Variants in DPYD observed in about 807,000 individuals in gnomAD.
DPYD encodes the protein dihydropyrimidine dehydrogenase.
DPYD carries 109 observed loss-of-function variants against 116.2 expected under a neutral mutation model. The ratio of observed to expected loss-of-function variants is 0.94; its 90% CI spans 0.80 to 1.10. DPYD has a LOEUF of 1.10. Among genes scored for constraint, DPYD ranks in the 50% least tolerant of loss-of-function variants. DPYD has a pLI of 0.00. For synonymous variants in DPYD, 440 were observed against 432.0 expected (o/e 1.02, Z -0.23); for missense variants, 1,302 against 1,254.5 (o/e 1.04, Z -0.57).
intron 20 of DPYD, among the ~76,000 whole-genome samples, chr1:97,124,307 C>T (rs1652669642): frequency 6.6e-6 from 1 of 152,052 alleles, no homozygotes; most frequent in Non-Finnish European, 1.5e-5. Flanking sequence ...AATAATTCTC[C>T]TAACTCTTAG....
chr1:97,156,174 A>AC (rs1219231800), intron 20 of DPYD, among the ~76,000 whole-genome samples: 1 of 152,040 alleles, frequency 6.6e-6, no homozygotes, highest in Admixed American at 6.6e-5. Context: ...TGAAATGAAT[A>AC]AATTTTTTTT....
chr1:97,384,551 T>C (rs1360612714), intron 14 of DPYD, among the ~76,000 whole-genome samples: 1 of 152,066 alleles, frequency 6.6e-6, no homozygotes, highest in East Asian at 1.9e-4. Context: ...CTAACCCTTT[T>C]AAGAAGATTA....
intron 14 of DPYD, among the ~76,000 whole-genome samples, chr1:97,449,056 G>GA (rs892024928): frequency 2.6e-5 from 4 of 151,444 alleles, no homozygotes; most frequent in Non-Finnish European, 4.4e-5. Context: ...GTCTAAAACA[G>GA]AAAAAAAACT....
At chr1:97,503,554 G>T (rs1056022730) in intron 13 of DPYD, among the ~76,000 whole-genome samples, 4 of 151,920 alleles carry the variant, frequency 2.6e-5, no homozygotes, top group African/African-American at 9.7e-5. Context: ...CAGTCTGCAA[G>T]GCACTCTATG....
At chr1:97,459,451 A>G (rs1392146303) in intron 13 of DPYD, among the ~76,000 whole-genome samples, 2 of 152,144 alleles carry the variant, frequency 1.3e-5, no homozygotes, top group Non-Finnish European at 2.9e-5. Context: ...CAAACTGAGG[A>G]AAATACGTTT....
At chr1:97,829,625 G>C (rs1255220292) in intron 2 of DPYD, among the ~76,000 whole-genome samples, 2 of 152,012 alleles carry the variant, frequency 1.3e-5, no homozygotes, top group African/African-American at 4.8e-5. Context: ...CTTTCTCAAA[G>C]TTATAAATGT....
At chr1:97,871,771 C>T (rs1188312733) in intron 2 of DPYD, among the ~76,000 whole-genome samples, 1 of 151,738 alleles carries the variant, frequency 6.6e-6, no homozygotes. Context: ...CAGTATCTTG[C>T]TGCTCAGTAC....
intron 12 of DPYD, among the ~76,000 whole-genome samples, chr1:97,525,775 A>AGAGAGAGAGG (rs1198260426): frequency 6.1e-5 from 9 of 147,890 alleles, no homozygotes; most frequent in Admixed American, 2.7e-4. Flanking sequence ...AGAGAGAGAG[A>AGAGAGAGAGG]GAGAGAGAGA....
intron 19 of DPYD, among the ~76,000 whole-genome samples, chr1:97,194,961 G>A (rs750414969): frequency 2.6e-5 from 4 of 152,082 alleles, no homozygotes; most frequent in Non-Finnish European, 4.4e-5. Flanking sequence ...AGTGTGGCTG[G>A]GATTTGAGTT....
intron 12 of DPYD, among the ~76,000 whole-genome samples, chr1:97,532,608 A>G (rs1336901937): frequency 6.6e-6 from 1 of 151,976 alleles, no homozygotes; most frequent in Non-Finnish European, 1.5e-5. Context: ...CTGTCTTTAT[A>G]GGTTGTATGT....
chr1:97,246,295 C>A (rs569942663), intron 18 of DPYD, among the ~76,000 whole-genome samples: 1 of 152,256 alleles, frequency 6.6e-6, no homozygotes, highest in East Asian at 1.9e-4. Context: ...TGTCTCTTCT[C>A]AGCAAGCTTA....
chr1:97,835,811 A>C (rs1669743800), intron 2 of DPYD, among the ~76,000 whole-genome samples: 1 of 152,220 alleles, frequency 6.6e-6, no homozygotes, highest in South Asian at 2.1e-4. Flanking sequence ...GATATTTACT[A>C]TTTTGGAAGC....
At chr1:97,288,720 C>G (rs370345886) in intron 18 of DPYD, among the ~76,000 whole-genome samples, 32,107 of 138,578 alleles carry the variant, frequency 0.23, 4,499 homozygotes, top group Admixed American at 0.36. Context: ...ACTAAATGCC[C>G]ACAAGAGAAA....
chr1:97,233,091 GC>G (rs1469855202), intron 19 of DPYD, among the ~76,000 whole-genome samples: 2 of 152,128 alleles, frequency 1.3e-5, no homozygotes, highest in African/African-American at 4.8e-5. Context: ...CCTCCTTAAT[GC>G]CAGATAGAAG....
chr1:97,140,542 G>A (rs565411144), intron 20 of DPYD, among the ~76,000 whole-genome samples: 1 of 152,246 alleles, frequency 6.6e-6, no homozygotes, highest in South Asian at 2.1e-4. Flanking sequence ...TGCCATAAGA[G>A]CACTACACAA....
chr1:97,718,088 A>G (rs11165905), intron 5 of DPYD, among the ~76,000 whole-genome samples: 151,438 of 152,144 alleles, frequency 1, 75,368 homozygotes, highest in Middle Eastern at 1. Flanking sequence ...CCCACCAGCA[A>G]TGTGAAAGTA....
intron 14 of DPYD, among the ~76,000 whole-genome samples, chr1:97,407,109 C>A (rs905256551): frequency 6.6e-6 from 1 of 151,942 alleles, no homozygotes; most frequent in African/African-American, 2.4e-5. Context: ...AATAAACTAC[C>A]TTTCTAAATT....
intron 16 of DPYD, among the ~76,000 whole-genome samples, chr1:97,348,890 T>C (rs1243931121): frequency 2.6e-5 from 4 of 152,142 alleles, no homozygotes; most frequent in Non-Finnish European, 5.9e-5. Flanking sequence ...TCCCCCAATA[T>C]GGACACTATT....
At chr1:97,668,624 C>A (rs1659693095) in intron 8 of DPYD, among the ~76,000 whole-genome samples, 1 of 152,010 alleles carries the variant, frequency 6.6e-6, no homozygotes, top group South Asian at 2.1e-4. Flanking sequence ...AAAATGTGAT[C>A]AACCAACAGT....
Sources: gnomAD v4.1 joint callset for allele counts (sites outside exome capture counted in the v4.1 genomes callset) on GRCh38, gnomAD v4.1.1 for gene constraint, MANE v1.5 for transcripts, NCBI Gene and HGNC (gene_info 2026-07-23, HGNC 2026-07-21) for gene names.